Variants in ZNF704 observed in about 807,000 individuals in gnomAD.
The protein encoded by ZNF704 is zinc finger protein 704.
Under a neutral mutation model 44.7 loss-of-function variants are expected in ZNF704, and 10 were observed. The observed-to-expected ratio is 0.22, with a 90% CI of 0.14 to 0.38. ZNF704 has a LOEUF of 0.38. ZNF704 is among the 10% of genes least tolerant of loss of function. The pLI is 1.00. For synonymous variants in ZNF704, 211 were observed against 207.6 expected, an observed-to-expected ratio of 1.02 and a Z score of -0.14; for missense variants, 390 against 545.5, an observed-to-expected ratio of 0.71 and a Z score of 2.84.
rs139722834 is a variant in ZNF704 at position 80,686,916 on chromosome 8, C to T, written c.558+310G>A. Among the ~76,000 whole-genome samples the T allele has an allele frequency of 1.6e-3, 239 of 152,126 alleles. 3 individuals carry two copies. Among genetic ancestry groups the T allele is most frequent in the African/African-American group, 5.5e-3 (230 of 41,486 alleles). Reference sequence around the variant, plus strand: ...TCCCACGAAGAGAGCGAGTTCATACCGAAGCAAGCCTGAGGTCCAATTTTC... The same window carrying T: ...TCCCACGAAGAGAGCGAGTTCATACTGAAGCAAGCCTGAGGTCCAATTTTC... On this transcript the variant is annotated intron_variant, in intron 4 of 8. Transcript: ENST00000327835.
Position 80,641,190 on chromosome 8 carries a change from G to T in ZNF704, c.*176C>A. The T allele has an allele frequency of 2.2e-6, 1 of 458,066 alleles. No homozygotes were observed. The highest frequency in any genetic ancestry group is 3.9e-6 in the Non-Finnish European group (1 of 257,780). 28.4% of individuals were successfully genotyped at this position (458,066 alleles called of 1,614,324 possible). On this transcript the variant is annotated 3_prime_UTR_variant, in exon 9 of 9. Coordinates refer to ENST00000327835, the MANE Select transcript of ZNF704 (RefSeq NM_001033723.3). The stretch of plus-strand genomic sequence containing the variant: ...TAAGAGCAACTTTCTTTTGTCATAG[G>T]TGGTGACTTAAACAATTTTTCTGTG...
At chr8:80,767,855 C>G (rs1479582106) in intron 2 of ZNF704, among the ~76,000 whole-genome samples, 2 of 152,172 alleles carry the variant, frequency 1.3e-5, no homozygotes, top group African/African-American at 4.8e-5. Context: ...CCACTTTTCG[C>G]AGAGGTTCCT....
At chr8:80,875,114 G>C (rs924638680), upstream of ZNF704, among the ~76,000 whole-genome samples, 4 of 152,120 alleles carry the variant, frequency 2.6e-5, no homozygotes, top group Non-Finnish European at 5.9e-5. Flanking sequence ...GTTCAAGATC[G>C]TTTGAGTTGG....
chr8:80,665,165 T>A, intron 5 of ZNF704, 83 bp from the exon 6 acceptor site: 1 of 1,464,382 alleles, frequency 6.8e-7, no homozygotes, highest in South Asian at 1.2e-5. Flanking sequence ...TTCCCCTCTG[T>A]CTGGAATGCT....
intron 2 of ZNF704, among the ~76,000 whole-genome samples, chr8:80,757,573 T>C (rs1807057283): frequency 1.3e-5 from 2 of 152,180 alleles, no homozygotes; most frequent in Admixed American, 6.5e-5. Context: ...ACAGTGTTTA[T>C]AGAGTCTCCA....
chr8:80,836,708 T>C (rs2129947508), intron 1 of ZNF704, among the ~76,000 whole-genome samples: 1 of 152,144 alleles, frequency 6.6e-6, no homozygotes, highest in African/African-American at 2.4e-5. Context: ...TGACTTACTT[T>C]AGCCTAGGAA....
chr8:80,795,048 G>T (rs1227957057), intron 2 of ZNF704, among the ~76,000 whole-genome samples: 2 of 152,194 alleles, frequency 1.3e-5, no homozygotes, highest in Non-Finnish European at 2.9e-5. Flanking sequence ...ATGAGCGACA[G>T]ATTTTATTTC....
At chr8:80,730,617 C>G (rs999420891) in intron 2 of ZNF704, among the ~76,000 whole-genome samples, 3 of 147,018 alleles carry the variant, frequency 2.0e-5, no homozygotes, top group Non-Finnish European at 4.5e-5. Context: ...ATAATAATTA[C>G]CAACAATAAT....
At chr8:80,653,900 G>A (rs1817964977) in intron 7 of ZNF704, among the ~76,000 whole-genome samples, 1 of 152,062 alleles carries the variant, frequency 6.6e-6, no homozygotes, top group Non-Finnish European at 1.5e-5. Flanking sequence ...TAAGCCAAAA[G>A]AACAAAGCTG....
At chr8:80,788,947 T>G (rs1476706048) in intron 2 of ZNF704, among the ~76,000 whole-genome samples, 1 of 152,204 alleles carries the variant, frequency 6.6e-6, no homozygotes, top group East Asian at 1.9e-4. Context: ...CCCAAGGACC[T>G]CTACTTCGAA....
intron 2 of ZNF704, among the ~76,000 whole-genome samples, chr8:80,783,564 T>G (rs1248910801): frequency 1.3e-5 from 2 of 152,162 alleles, no homozygotes; most frequent in African/African-American, 4.8e-5. Flanking sequence ...ATCATAGATT[T>G]CTTATTGGCA....
intron 2 of ZNF704, among the ~76,000 whole-genome samples, chr8:80,739,811 T>A (rs563343755): frequency 6.6e-6 from 1 of 152,230 alleles, no homozygotes; most frequent in Admixed American, 6.5e-5. Flanking sequence ...ATTGTCCAAA[T>A]AGAAATAAGC....
chr8:80,666,444 T>C (rs1422077827), intron 5 of ZNF704, among the ~76,000 whole-genome samples: 57 of 150,896 alleles, frequency 3.8e-4, no homozygotes, highest in Non-Finnish European at 7.2e-4. Context: ...TGTGTCTTTA[T>C]AGCAGCATGA....
intron 2 of ZNF704, among the ~76,000 whole-genome samples, chr8:80,725,374 A>AT (rs1806459771): frequency 6.6e-6 from 1 of 152,152 alleles, no homozygotes; most frequent in African/African-American, 2.4e-5. Flanking sequence ...ATGACCATAG[A>AT]TTTTTAGTTT....
intron 2 of ZNF704, among the ~76,000 whole-genome samples, chr8:80,700,508 T>A (rs1818792071): frequency 6.6e-6 from 1 of 152,214 alleles, no homozygotes; most frequent in Non-Finnish European, 1.5e-5. Flanking sequence ...AACACTCAAG[T>A]TATTATTATC....
Position 80,639,364 on chromosome 8 carries a change from A to C in ZNF704, c.*2002T>G, listed in dbSNP as rs1004943488. ...GTGGTGCTGCATGGGGGGTGACAGG[A>C]CACCAGGAGGAGAAAGGACGTGTTA... On this transcript the variant is annotated 3_prime_UTR_variant, in exon 9 of 9. Transcript: ENST00000327835. 1 of 152,252 alleles carries C rather than the reference A, an allele frequency of 6.6e-6. No homozygotes were observed. The highest frequency in any genetic ancestry group is 1.5e-5 in the Non-Finnish European group (1 of 68,052). The allele number at this position is 152,252 out of a possible 1,614,324, so 9.4% of individuals were successfully genotyped here.
At chr8:80,760,471 C>A (rs1807109144) in intron 2 of ZNF704, among the ~76,000 whole-genome samples, 1 of 151,970 alleles carries the variant, frequency 6.6e-6, no homozygotes, top group African/African-American at 2.4e-5. Flanking sequence ...TCCTGGCCAA[C>A]ATGGTGAAAC....
intron 2 of ZNF704, among the ~76,000 whole-genome samples, chr8:80,744,531 C>T (rs1245571877): frequency 6.6e-6 from 1 of 152,168 alleles, no homozygotes; most frequent in African/African-American, 2.4e-5. Context: ...ACTTTCAAAT[C>T]ATGAAAAATT....
rs139734784 is a variant in ZNF704, at chr8:80,636,190, T to C, written c.*5176A>G. On this transcript the variant is annotated 3_prime_UTR_variant, in exon 9 of 9. Transcript: ENST00000327835. ...TTTTATTTGGAAAATTAAGTTATAA[T>C]TGTTTTTGTATTTAAAGGTTATGTT... 4.7e-3 allele frequency: 719 copies of C among 152,318 alleles called. 6 individuals carry two copies. The highest frequency in any genetic ancestry group is 0.016 in the African/African-American group (652 of 41,564). The allele number at this position is 152,318 out of a possible 1,614,324, so 9.4% of individuals were successfully genotyped here.
Sources: gnomAD v4.1 joint callset for allele counts (sites outside exome capture counted in the v4.1 genomes callset) on GRCh38, gnomAD v4.1.1 for gene constraint, MANE v1.5 for transcripts, NCBI Gene and HGNC (gene_info 2026-07-23, HGNC 2026-07-21) for gene names.